PLEKHM3: variants seen among roughly 807,000 people sequenced by gnomAD.
The protein encoded by PLEKHM3 is pleckstrin homology domain containing M3.
Under a neutral mutation model 81.8 loss-of-function variants are expected in PLEKHM3, and 45 were observed. That is an observed-to-expected ratio of 0.55 (90% CI 0.43 to 0.71). PLEKHM3 has a LOEUF of 0.71. Among genes scored for constraint, PLEKHM3 ranks in the 30% least tolerant of loss-of-function variants. PLEKHM3 has a pLI of 0.00. For missense variants in PLEKHM3, 788 were observed against 924.3 expected (o/e 0.85, Z 1.91); for synonymous variants, 352 against 356.4 (o/e 0.99, Z 0.14).
chr2:207,952,512 C>T (rs1690362281), intron 3 of PLEKHM3, among the ~76,000 whole-genome samples: 1 of 152,228 alleles, frequency 6.6e-6, no homozygotes, highest in Non-Finnish European at 1.5e-5. Context: ...CTTATAGTCT[C>T]TAACCATTGG....
At chr2:207,881,743 C>T (rs1447436877) in intron 6 of PLEKHM3, among the ~76,000 whole-genome samples, 2 of 152,316 alleles carry the variant, frequency 1.3e-5, no homozygotes, top group South Asian at 2.1e-4. Flanking sequence ...TACTCTTCTC[C>T]TTGGCTCTGG....
intron 6 of PLEKHM3, among the ~76,000 whole-genome samples, chr2:207,880,762 C>CAGAAAAAAAAAA (rs2092585434): frequency 1.4e-4 from 1 of 6,976 alleles, no homozygotes; most frequent in African/African-American, 2.7e-4. Context: ...GACTCTGTCT[C>CAGAAAAAAAAAA]AAAAAAAAAA....
chr2:208,019,081 C>G (rs1693029366), intron 1 of PLEKHM3, among the ~76,000 whole-genome samples: 1 of 151,900 alleles, frequency 6.6e-6, no homozygotes, highest in African/African-American at 2.4e-5. Flanking sequence ...GGGAGGACTG[C>G]TGGAGGCTAG....
rs1468581354 is a variant in PLEKHM3 at position 207,827,787 on chromosome 2, G to C, written c.*532C>G. 2 of 152,182 alleles carry C rather than the reference G, an allele frequency of 1.3e-5. No individual in the cohort carries two copies. The highest frequency in any genetic ancestry group is 2.4e-5 in the African/African-American group (1 of 41,444). 9.4% of individuals were successfully genotyped at this position (152,182 alleles called of 1,614,324 possible). A position where few individuals can be genotyped will look rare whatever the true frequency, so the allele number is the denominator to read the frequency against. ...GGAGGAACTGAGGCGGGAGCGCCAC[G>C]GACACCAGGTCCTGGAAGGACCCAG... On this transcript the variant is annotated 3_prime_UTR_variant, in exon 8 of 8. Coordinates refer to ENST00000427836, the MANE Select transcript of PLEKHM3 (RefSeq NM_001080475.3).
At chr2:207,836,157 T>C (rs1284675540) in intron 7 of PLEKHM3, among the ~76,000 whole-genome samples, 2 of 152,146 alleles carry the variant, frequency 1.3e-5, no homozygotes, top group Non-Finnish European at 2.9e-5. Context: ...TGGGGCAGCA[T>C]AAATCTCACT....
intron 6 of PLEKHM3, among the ~76,000 whole-genome samples, chr2:207,876,081 T>C (rs1202453221): frequency 3.3e-5 from 5 of 152,178 alleles, no homozygotes; most frequent in Admixed American, 1.3e-4. Context: ...TACAATTGTC[T>C]GGAAGGACAC....
At chr2:207,911,937 T>C (rs1688821554) in intron 5 of PLEKHM3, among the ~76,000 whole-genome samples, 1 of 152,224 alleles carries the variant, frequency 6.6e-6, no homozygotes, top group Non-Finnish European at 1.5e-5. Flanking sequence ...CTAAAACTTT[T>C]ATGATTAGGG....
chr2:207,870,689 G>C (rs1453053256), intron 6 of PLEKHM3, among the ~76,000 whole-genome samples: 1 of 152,210 alleles, frequency 6.6e-6, no homozygotes, highest in Non-Finnish European at 1.5e-5. Context: ...GAGTTCATGG[G>C]AAGTTAGGAA....
chr2:207,902,464 T>C (rs774038151), intron 6 of PLEKHM3, among the ~76,000 whole-genome samples: 3 of 152,196 alleles, frequency 2.0e-5, no homozygotes, highest in Non-Finnish European at 4.4e-5. Context: ...CTGTTTGAAT[T>C]ACTTCTTTAG....
At chr2:207,870,320 T>A (rs2092526304) in intron 6 of PLEKHM3, among the ~76,000 whole-genome samples, 1 of 152,220 alleles carries the variant, frequency 6.6e-6, no homozygotes, top group African/African-American at 2.4e-5. Context: ...CTCTGATTTG[T>A]CAATTTACCT....
intron 6 of PLEKHM3, among the ~76,000 whole-genome samples, chr2:207,881,769 T>C (rs1169609971): frequency 6.6e-6 from 1 of 152,172 alleles, no homozygotes; most frequent in African/African-American, 2.4e-5. Flanking sequence ...CTTCCTTCAA[T>C]TTCCCTTCCC....
intron 6 of PLEKHM3, among the ~76,000 whole-genome samples, chr2:207,889,225 C>T (rs182643448): frequency 3.3e-5 from 5 of 152,184 alleles, no homozygotes; most frequent in African/African-American, 1.2e-4. Flanking sequence ...GTGAACAACC[C>T]AGACAAGGCC....
intron 4 of PLEKHM3, among the ~76,000 whole-genome samples, chr2:207,932,277 C>A (rs1396660444): frequency 6.6e-6 from 1 of 152,166 alleles, no homozygotes; most frequent in Non-Finnish European, 1.5e-5. Flanking sequence ...AACACAATGT[C>A]TCAGAGATAC....
intron 2 of PLEKHM3, among the ~76,000 whole-genome samples, chr2:208,000,721 T>A (rs1040852758): frequency 1.3e-5 from 2 of 152,206 alleles, no homozygotes; most frequent in Non-Finnish European, 2.9e-5. Flanking sequence ...ACATTAAGTA[T>A]GAGAGTATTC....
At chr2:207,875,755 T>G (rs535066273) in intron 6 of PLEKHM3, among the ~76,000 whole-genome samples, 1 of 152,202 alleles carries the variant, frequency 6.6e-6, no homozygotes, top group Admixed American at 6.5e-5. Flanking sequence ...GGAGTATCCT[T>G]TGACTCTAAG....
intron 7 of PLEKHM3, among the ~76,000 whole-genome samples, chr2:207,834,454 G>A (rs1051704611): frequency 3.7e-5 from 5 of 136,420 alleles, no homozygotes; most frequent in Non-Finnish European, 6.2e-5. Context: ...TTTTTGAGAT[G>A]GAGTTTTGCT....
At chr2:207,862,937 A>C (rs1395680513) in intron 6 of PLEKHM3, among the ~76,000 whole-genome samples, 1 of 152,170 alleles carries the variant, frequency 6.6e-6, no homozygotes, top group Non-Finnish European at 1.5e-5. Flanking sequence ...TGTCTGCTCC[A>C]AGCCAAGGCT....
chr2:207,900,981 A>G (rs1688404201), intron 6 of PLEKHM3: 3 of 427,404 alleles, frequency 7.0e-6, no homozygotes, highest in Non-Finnish European at 1.3e-5. Context: ...AGATGACTGC[A>G]TGCCAAGGGA....
chr2:207,910,954 G>C (rs1688792625), intron 5 of PLEKHM3, among the ~76,000 whole-genome samples: 1 of 152,182 alleles, frequency 6.6e-6, no homozygotes, highest in Non-Finnish European at 1.5e-5. Context: ...CTGAAGTATA[G>C]AGCCTGGGGA....
Sources: allele counts gnomAD v4.1 joint callset (sites outside exome capture counted in the v4.1 genomes callset), GRCh38; gene constraint gnomAD v4.1.1; transcripts MANE v1.5; gene names NCBI Gene and HGNC (gene_info 2026-07-23, HGNC 2026-07-21).